Variants in GTF2IRD1 observed in about 807,000 individuals in gnomAD.
The protein encoded by GTF2IRD1 is general transcription factor II-I repeat domain-containing protein 1.
Under a neutral mutation model 113.2 loss-of-function variants are expected in GTF2IRD1, and 26 were observed. That is an observed-to-expected ratio of 0.23 (90% CI 0.17 to 0.32). The LOEUF (loss-of-function observed/expected upper bound fraction) is 0.32. Ranked by LOEUF, GTF2IRD1 falls within the 10% of genes least tolerant of loss-of-function variation. The probability of loss-of-function intolerance (pLI) is 1.00; values close to 1 mark genes in which losing one functional copy is unlikely to be tolerated. For synonymous variants in GTF2IRD1, 484 were observed against 529.1 expected (o/e 0.91, Z 1.17); for missense variants, 864 against 1,280.8 (o/e 0.67, Z 4.97).
At chr7:74,469,338 A>G (rs946226293) in intron 1 of GTF2IRD1, among the ~76,000 whole-genome samples, 1 of 151,974 alleles carries the variant, frequency 6.6e-6, no homozygotes, top group South Asian at 2.1e-4. Context: ...TTTTTTTAAA[A>G]TATATTCACA....
chr7:74,491,596 G>C, intron 1 of GTF2IRD1, among the ~76,000 whole-genome samples: 1 of 151,996 alleles, frequency 6.6e-6, no homozygotes, highest in Non-Finnish European at 1.5e-5. Context: ...TTCTGTTCTT[G>C]TGTTAGTTTG....
chr7:74,508,303 G>C, intron 2 of GTF2IRD1, 100 bp downstream of exon 2: 1 of 1,293,592 alleles, frequency 7.7e-7, no homozygotes, highest in Non-Finnish European at 1.1e-6. Context: ...AGCTTTCACT[G>C]ACCTGAACCT....
chr7:74,562,028 C>T (rs1554359219), intron 22 of GTF2IRD1, among the ~76,000 whole-genome samples: 1 of 152,222 alleles, frequency 6.6e-6, no homozygotes. Flanking sequence ...GGTATCCACA[C>T]TTACTCATGC....
chr7:74,600,970 T>G (rs1300902778), intron 25 of GTF2IRD1, 74 bp from the exon 26 acceptor site: 7 of 1,548,774 alleles, frequency 4.5e-6, no homozygotes, highest in Non-Finnish European at 6.2e-6. Flanking sequence ...CAGAGCACTT[T>G]TCCAGGGAGC....
At chr7:74,602,283 C>G in intron 26 of GTF2IRD1, 82 bp from the exon 27 acceptor site, 1 of 1,501,270 alleles carries the variant, frequency 6.7e-7, no homozygotes, top group Non-Finnish European at 8.9e-7. Context: ...TGAGAAAGCT[C>G]TTCCAAAAGC....
chr7:74,473,428 CTTT>C (rs1217283077), intron 1 of GTF2IRD1, among the ~76,000 whole-genome samples: 2 of 141,574 alleles, frequency 1.4e-5, no homozygotes, highest in African/African-American at 2.6e-5. Flanking sequence ...CAGCTCAGGG[CTTT>C]TTTTTTTTTT....
intron 14 of GTF2IRD1, among the ~76,000 whole-genome samples, chr7:74,541,058 C>G (rs587605787): frequency 6.6e-6 from 1 of 151,862 alleles, no homozygotes; most frequent in East Asian, 2.0e-4. Context: ...GCCACCACAC[C>G]TTGCCTCAAC....
rs587608702 is a variant in GTF2IRD1 at position 74,528,231 on chromosome 7, C to T, written c.1091-1503C>T. The stretch of plus-strand genomic sequence containing the variant: ...AGAAAACAAAACCCCTACTCTTTTT[C>T]AGACAGTCTCGCTCTGTCACCCAGG... On this transcript the variant is annotated intron_variant, in intron 8 of 26. Transcript: ENST00000424337. Among the ~76,000 whole-genome samples the T allele has an allele frequency of 2.8e-4, 42 of 152,250 alleles. 2 individuals carry two copies. In the South Asian group the frequency reaches 8.5e-3, roughly 31 times the overall value.
At chr7:74,542,623 AAT>A (rs1272906392) in intron 14 of GTF2IRD1, among the ~76,000 whole-genome samples, 2 of 152,232 alleles carry the variant, frequency 1.3e-5, no homozygotes, top group Non-Finnish European at 2.9e-5. Flanking sequence ...TGAAGAAAAA[AAT>A]ATGATTTGTC....
chr7:74,565,091 T>C (rs1583901362), intron 22 of GTF2IRD1, among the ~76,000 whole-genome samples: 1 of 152,108 alleles, frequency 6.6e-6, no homozygotes, highest in Non-Finnish European at 1.5e-5. Context: ...CCCCAACTCA[T>C]ACCAGAAGGA....
At chr7:74,506,303 C>A (rs1337179957) in intron 1 of GTF2IRD1, 1 of 152,166 alleles carries the variant, frequency 6.6e-6, no homozygotes, top group Non-Finnish European at 1.5e-5. Context: ...GGGCACTGGT[C>A]GGGATCCTGG....
intron 22 of GTF2IRD1, among the ~76,000 whole-genome samples, chr7:74,583,371 C>CTTTTTTTTTTTTTT (rs1168890388): frequency 8.2e-6 from 1 of 122,308 alleles, no homozygotes; most frequent in Non-Finnish European, 1.7e-5. Context: ...CTTTTTTTTT[C>CTTTTTTTTTTTTTT]TTTTTTTTTT....
chr7:74,488,802 A>G (rs919113597), intron 1 of GTF2IRD1, among the ~76,000 whole-genome samples: 3 of 151,748 alleles, frequency 2.0e-5, no homozygotes, highest in Admixed American at 6.6e-5. Flanking sequence ...CTGGGGGGGT[A>G]AAAAAGGAAA....
intron 1 of GTF2IRD1, among the ~76,000 whole-genome samples, chr7:74,503,090 C>A (rs1288253966): frequency 6.6e-6 from 1 of 151,222 alleles, no homozygotes; most frequent in Admixed American, 6.6e-5. Context: ...TCACTTGAAC[C>A]TGGGAGGTGG....
intron 1 of GTF2IRD1, among the ~76,000 whole-genome samples, chr7:74,483,559 T>A (rs1305852991): frequency 2.6e-5 from 4 of 151,790 alleles, no homozygotes; most frequent in South Asian, 2.1e-4. Flanking sequence ...AAAAAATTTT[T>A]AAAAATCAGG....
intron 1 of GTF2IRD1, among the ~76,000 whole-genome samples, chr7:74,459,128 T>C (rs1554328314): frequency 6.6e-6 from 1 of 152,158 alleles, no homozygotes; most frequent in Non-Finnish European, 1.5e-5. Flanking sequence ...TGTAGGAACC[T>C]GGGTTCATGC....
intron 11 of GTF2IRD1, among the ~76,000 whole-genome samples, chr7:74,537,692 G>A (rs1399059608): frequency 3.3e-5 from 5 of 152,140 alleles, no homozygotes; most frequent in Non-Finnish European, 7.3e-5. Flanking sequence ...TTCCCTGGGA[G>A]GGAGGGAATT....
intron 1 of GTF2IRD1, among the ~76,000 whole-genome samples, chr7:74,458,199 C>T (rs1364499791): frequency 3.3e-5 from 5 of 151,966 alleles, no homozygotes; most frequent in South Asian, 2.1e-4. Flanking sequence ...GGGGGGCTTC[C>T]GGGATAATAT....
At chr7:74,524,244 A>C in intron 8 of GTF2IRD1, 90 bp downstream of exon 8, 1 of 683,006 alleles carries the variant, frequency 1.5e-6, no homozygotes, top group Non-Finnish European at 2.4e-6. Flanking sequence ...CCAACACGGC[A>C]GCGGGAGCCA....
Sources: allele counts gnomAD v4.1 joint callset (sites outside exome capture counted in the v4.1 genomes callset), GRCh38; gene constraint gnomAD v4.1.1; transcripts MANE v1.5; gene names NCBI Gene and HGNC (gene_info 2026-07-23, HGNC 2026-07-21).